The following ZNF276 variants were observed in gnomAD, a reference collection of about 807,000 sequenced individuals.
The protein encoded by ZNF276 is zinc finger protein 276.
In ZNF276, 59 loss-of-function variants were observed where a neutral mutation model predicts 63.9. The observed-to-expected ratio is 0.92, with a 90% CI of 0.75 to 1.15. The LOEUF (loss-of-function observed/expected upper bound fraction) is 1.15, where lower values mean the gene tolerates loss of function less well. Ranked by LOEUF, ZNF276 falls within the 50% of genes most tolerant of loss-of-function variation. ZNF276 has a pLI of 0.00. For synonymous variants in ZNF276, 496 were observed against 348.4 expected, an observed-to-expected ratio of 1.42 and a Z score of -4.72; for missense variants, 1,084 against 843.8, an observed-to-expected ratio of 1.28 and a Z score of -3.53.
chr16:89,740,123 C>T lies in ZNF276; in HGVS notation c.*1877C>T. ...CTCTGTAAACCGCAGGAGACCAACC[C>T]TGAGAATGGCCGACCTGGTGCTCCC... On this transcript the variant is annotated 3_prime_UTR_variant, in exon 11 of 11. Transcript: ENST00000443381. The T allele has an allele frequency of 3.1e-6, 5 of 1,598,502 alleles. No homozygotes were observed. In the South Asian group the frequency reaches 5.5e-5, roughly 18 times the overall value.
In ZNF276 at chr16:89,729,282, C is replaced by A; in HGVS notation, c.1133C>A (p.Ser378Tyr). Residue 378 changes from serine (S) to tyrosine (Y), a missense_variant, in exon 6 of 11, where the codon TCT becomes TAT. Transcript: ENST00000443381. ...AATGACAAGAAGCAAAATGCCCAGTCTTCGGACGAGTCCTTTGAGCCTTAC... is the reference window on the plus strand; with the variant it reads ...AATGACAAGAAGCAAAATGCCCAGTATTCGGACGAGTCCTTTGAGCCTTAC... Reference protein sequence around the residue: ...DENDKKQNAQSSDESFEPYPE... With the variant: ...DENDKKQNAQYSDESFEPYPE... The A allele has an allele frequency of 6.2e-7, 1 of 1,614,138 alleles. No individual in the cohort carries two copies. The highest frequency in any genetic ancestry group is 8.5e-7 in the Non-Finnish European group (1 of 1,180,022).
rs566316317 is a variant in ZNF276 at position 89,739,900 on chromosome 16, A to G, written c.*1654A>G. The G allele has an allele frequency of 1.3e-6, 2 of 1,577,574 alleles. No individual in the cohort carries two copies. Among genetic ancestry groups the G allele is most frequent in the East Asian group, 2.3e-5 (1 of 44,420 alleles). On this transcript the variant is annotated 3_prime_UTR_variant, in exon 11 of 11. Coordinates refer to ENST00000443381, the MANE Select transcript of ZNF276 (RefSeq NM_001113525.2). ...ATGGAGCTTATAAACTTACTTAGCA[A>G]GGAACCTCAAGGAGGGCTCGTTCTT...
At position 89,740,134 on chromosome 16, in the gene ZNF276, C is replaced by T. The variant is rs778331372; in HGVS notation, c.*1888C>T. 32 of 1,548,560 alleles carry T rather than the reference C, an allele frequency of 2.1e-5. 1 individual carries two copies. Among genetic ancestry groups the T allele is most frequent in the Admixed American group, 2.0e-4 (12 of 59,912 alleles). On this transcript the variant is annotated 3_prime_UTR_variant, in exon 11 of 11. Transcript: ENST00000443381. The stretch of plus-strand genomic sequence containing the variant: ...GCAGGAGACCAACCCTGAGAATGGC[C>T]GACCTGGTGCTCCCATGGGTAGGAG...
rs1187700895 is a variant in ZNF276, at chr16:89,740,781, T to C, written c.*2535T>C. 1.2e-6 allele frequency: 2 copies of C among 1,611,018 alleles called. No individual in the cohort carries two copies. Among genetic ancestry groups the C allele is most frequent in the South Asian group, 1.1e-5 (1 of 90,678 alleles). On this transcript the variant is annotated 3_prime_UTR_variant, in exon 11 of 11. Transcript: ENST00000443381. Reference sequence around the variant, plus strand: ...CTGGCCCACAGTGGGAGAGGACACCTTGGCTGGTAAGGTCTGACTTACATT... The same window carrying C: ...CTGGCCCACAGTGGGAGAGGACACCCTGGCTGGTAAGGTCTGACTTACATT...
chr16:89,733,896 GTCTC>G, intron 8 of ZNF276, 21 bp from the exon 9 acceptor site: 2 of 1,609,918 alleles, frequency 1.2e-6, no homozygotes, highest in Non-Finnish European at 8.5e-7. Context: ...GGCTCTGAGG[GTCTC>G]TCACCGAGTC....
intron 6 of ZNF276, chr16:89,731,859 A>C (rs894354873): frequency 6.6e-6 from 1 of 152,058 alleles, no homozygotes; most frequent in Non-Finnish European, 1.5e-5. Context: ...TTGTATGTGG[A>C]TCTTTAGGGT....
chr16:89,738,062 T>TTGCCTGTAC lies in ZNF276; in HGVS notation c.1668_1669insACTGCCTGT (p.Cys556_Asp557insThrAlaCys). The stretch of plus-strand genomic sequence containing the variant: ...CACAAGGCTGAGACTGAGCTGGACT[T>TTGCCTGTAC]TGCCTGTGACCAGTGTGGCCGGCGG... On this transcript the variant is annotated inframe_insertion, in exon 11 of 11. Coordinates refer to ENST00000443381, the MANE Select transcript of ZNF276 (RefSeq NM_001113525.2). 6.2e-7 allele frequency: 1 copy of TTGCCTGTAC among 1,614,120 alleles called. No homozygotes were observed. Among genetic ancestry groups the TTGCCTGTAC allele is most frequent in the Non-Finnish European group, 8.5e-7 (1 of 1,180,038 alleles).
At chr16:89,736,534 G>A (rs1453467776) in intron 9 of ZNF276, among the ~76,000 whole-genome samples, 2 of 150,848 alleles carry the variant, frequency 1.3e-5, no homozygotes, top group Non-Finnish European at 3.0e-5. Flanking sequence ...CATATTGATT[G>A]GGCTGGGGCT....
intron 9 of ZNF276, among the ~76,000 whole-genome samples, chr16:89,735,194 G>T (rs1048525704): frequency 2.0e-5 from 3 of 151,684 alleles, no homozygotes; most frequent in Non-Finnish European, 4.4e-5. Context: ...CGAATCCCTG[G>T]TATTCAGAGG....
intron 4 of ZNF276, among the ~76,000 whole-genome samples, chr16:89,726,592 A>G (rs1387177549): frequency 6.6e-6 from 1 of 152,082 alleles, no homozygotes; most frequent in Non-Finnish European, 1.5e-5. Context: ...CAGCCTCCCA[A>G]AGTGCTGGGA....
intron 4 of ZNF276, among the ~76,000 whole-genome samples, chr16:89,724,834 C>T (rs769692678): frequency 1.4e-5 from 1 of 72,942 alleles, no homozygotes; most frequent in African/African-American, 3.4e-5. Flanking sequence ...ACCTACCTAC[C>T]TATCTATCTT....
chr16:89,737,947 G>C, intron 10 of ZNF276, 29 bp from the exon 11 acceptor site: 2 of 1,614,022 alleles, frequency 1.2e-6, no homozygotes, highest in Middle Eastern at 1.6e-4. Flanking sequence ...TGTGGCCCTC[G>C]CACCTTCTTA....
rs774345449 is a variant in ZNF276, at chr16:89,723,382, G to A, written c.679G>A (p.Val227Ile). ...GACACTGTCCTCCGAGTACTGCGGC[G>A]TCATCCAGGTCGTGTGGGGCTGCGA... Reference protein sequence around the residue: ...QRTLSSEYCGVIQVVWGCDQG... With the variant: ...QRTLSSEYCGIIQVVWGCDQG... Residue 227 changes from valine (V) to isoleucine (I), a missense_variant, in exon 4 of 11, where the codon GTC (valine) becomes ATC (isoleucine). By Grantham distance (29) the Val-to-Ile change is conservative (BLOSUM62 3). Coordinates refer to ENST00000443381, the MANE Select transcript of ZNF276 (RefSeq NM_001113525.2). 4 of 1,613,030 alleles carry A rather than the reference G, an allele frequency of 2.5e-6. No homozygotes were observed. The highest frequency in any genetic ancestry group is 3.4e-6 in the Non-Finnish European group (4 of 1,180,040).
At chr16:89,730,157 G>A (rs961876806) in intron 6 of ZNF276, among the ~76,000 whole-genome samples, 32 of 152,208 alleles carry the variant, frequency 2.1e-4, no homozygotes, top group African/African-American at 7.2e-4. Context: ...CAGTGGAGGA[G>A]GCCCGGAGAG....
intron 6 of ZNF276, chr16:89,731,830 A>C (rs1444759130): frequency 1.3e-5 from 2 of 152,358 alleles, no homozygotes; most frequent in South Asian, 2.1e-4. Context: ...ACTTTGCTGA[A>C]ATAATTAATT....
intron 9 of ZNF276, chr16:89,737,600 C>T (rs2061979355): frequency 1.1e-6 from 1 of 915,932 alleles, no homozygotes; most frequent in Non-Finnish European, 1.6e-6. Flanking sequence ...GAAATGCACA[C>T]AGCTGATGAA....
At chr16:89,730,216 C>T (rs530871627) in intron 6 of ZNF276, among the ~76,000 whole-genome samples, 1 of 152,288 alleles carries the variant, frequency 6.6e-6, no homozygotes, top group South Asian at 2.1e-4. Flanking sequence ...GCAGCAGCTT[C>T]AGCATGAACA....
At chr16:89,732,382 C>T (rs1372898892) in intron 6 of ZNF276, 2 of 152,608 alleles carry the variant, frequency 1.3e-5, no homozygotes, top group Non-Finnish European at 2.9e-5. Context: ...TCACCGTGTG[C>T]TTCCCAGGGA....
chr16:89,738,435 C>A lies in ZNF276; in HGVS notation c.*189C>A. The A allele has an allele frequency of 7.3e-7, 1 of 1,378,470 alleles. No individual in the cohort carries two copies. 85.4% of individuals were successfully genotyped at this position (1,378,470 alleles called of 1,614,324 possible). A position where few individuals can be genotyped will look rare whatever the true frequency, so the allele number is the denominator to read the frequency against. On this transcript the variant is annotated 3_prime_UTR_variant, in exon 11 of 11. Transcript: ENST00000443381. ...GACCAGTGGTTTATTTTCCCGCAAA[C>A]GCTGAGTGACTCGGGGCCGGACAGT...
Sources: allele counts gnomAD v4.1 joint callset (sites outside exome capture counted in the v4.1 genomes callset), GRCh38; gene constraint gnomAD v4.1.1; transcripts MANE v1.5; gene names NCBI Gene and HGNC (gene_info 2026-07-23, HGNC 2026-07-21).